The following PHC2 variants were observed in gnomAD, a reference collection of about 807,000 sequenced individuals.
PHC2 encodes the protein polyhomeotic-like protein 2.
A neutral mutation model predicts 87.4 loss-of-function variants in PHC2; 29 were observed. The observed-to-expected ratio is 0.33, with a 90% CI of 0.25 to 0.45. The LOEUF is 0.45. PHC2 is among the 20% of genes least tolerant of loss of function. The probability of loss-of-function intolerance (pLI) is 1.00; values close to 1 mark genes in which losing one functional copy is unlikely to be tolerated. For synonymous variants in PHC2, 438 were observed against 461.7 expected, an observed-to-expected ratio of 0.95 and a Z score of 0.66; for missense variants, 857 against 1,136.7, an observed-to-expected ratio of 0.75 and a Z score of 3.54.
chr1:33,421,251 C>T (rs1416918101), intron 1 of PHC2, among the ~76,000 whole-genome samples: 1 of 151,972 alleles, frequency 6.6e-6, no homozygotes, highest in Non-Finnish European at 1.5e-5. Context: ...TTCTGGTATG[C>T]ATATCCTTGG....
At chr1:33,395,232 T>C (rs1163782159) in intron 1 of PHC2, among the ~76,000 whole-genome samples, 1 of 152,124 alleles carries the variant, frequency 6.6e-6, no homozygotes, top group Admixed American at 6.6e-5. Context: ...TATATGGAGT[T>C]CTTAGAATAA....
intron 14 of PHC2, chr1:33,325,719 T>C: frequency 2.8e-6 from 1 of 357,862 alleles, no homozygotes; most frequent in South Asian, 2.0e-5. Flanking sequence ...AGATGACAAG[T>C]GATTGCTGCT....
chr1:33,354,539 T>C lies in PHC2; in HGVS notation c.1420A>G (p.Lys474Glu). 6.2e-7 allele frequency: 1 copy of C among 1,613,978 alleles called. No individual in the cohort carries two copies. The highest frequency in any genetic ancestry group is 2.2e-5 in the East Asian group (1 of 44,874). ...VPQQCVPDDW[K>E]EVAPGEKSVP... Reference sequence around the variant, plus strand: ...CTTTTCTCCCCTGGTGCCACTTCTTTCCAGTCATCAGGGACACACTGCTGG... The same window carrying C: ...CTTTTCTCCCCTGGTGCCACTTCTTCCCAGTCATCAGGGACACACTGCTGG... Residue 474 changes from lysine (K) to glutamate (E), a missense_variant, in exon 9 of 15, where the codon AAA becomes GAA. Lys to Glu is a moderately conservative substitution (Grantham distance 56). Coordinates refer to ENST00000683057, the MANE Select transcript of PHC2 (RefSeq NM_001385109.1).
chr1:33,356,259 ATATATATATATATATATG>A (rs1421029485), intron 7 of PHC2, among the ~76,000 whole-genome samples: 3 of 84,530 alleles, frequency 3.5e-5, no homozygotes, highest in Admixed American at 1.0e-4. Flanking sequence ...TTATATATAT[ATATATATATATATATATG>A]TATATATATA....
At chr1:33,370,255 C>T (rs1202754319) in intron 5 of PHC2, among the ~76,000 whole-genome samples, 166 bp downstream of exon 5, 1 of 152,088 alleles carries the variant, frequency 6.6e-6, no homozygotes, top group Non-Finnish European at 1.5e-5. Flanking sequence ...GAGGCTGTAC[C>T]AAAGCTCCCA....
intron 1 of PHC2, among the ~76,000 whole-genome samples, chr1:33,414,216 C>T (rs1557848128): frequency 6.6e-6 from 1 of 150,786 alleles, no homozygotes; most frequent in Non-Finnish European, 1.5e-5. Context: ...CACACACACA[C>T]ACAAGAAAGG....
At chr1:33,354,658 G>T in intron 8 of PHC2, 92 bp from the exon 9 acceptor site, 1 of 1,411,308 alleles carries the variant, frequency 7.1e-7, no homozygotes. Context: ...TTGGGAAGCA[G>T]GTAAGGACCT....
intron 1 of PHC2, among the ~76,000 whole-genome samples, chr1:33,377,176 A>G (rs1386136815): frequency 6.6e-6 from 1 of 152,160 alleles, no homozygotes; most frequent in Non-Finnish European, 1.5e-5. Context: ...CTGTTTCTTA[A>G]TCAATTAGAT....
chr1:33,371,984 G>A (rs1037921604), intron 3 of PHC2, among the ~76,000 whole-genome samples: 1 of 152,240 alleles, frequency 6.6e-6, no homozygotes, highest in African/African-American at 2.4e-5. Flanking sequence ...CTTCGTTCAC[G>A]AACGCTTCCC....
rs575120344 is a variant in PHC2, at chr1:33,334,613, C to T, written c.1559-321G>A. On this transcript the variant is annotated intron_variant, in intron 9 of 14. Transcript: ENST00000683057. The surrounding 1 kb of genome is among the most constrained non-coding windows in gnomAD (Gnocchi z 5.5). Reference sequence around the variant, plus strand: ...AATTCTATCTTTGAGGAGTTAAGACCTTGGTCGATACTGATTTGAACAAAT... The same window carrying T: ...AATTCTATCTTTGAGGAGTTAAGACTTTGGTCGATACTGATTTGAACAAAT... Among the ~76,000 whole-genome samples, 11 of 152,298 alleles carry T rather than the reference C, an allele frequency of 7.2e-5. No homozygotes were observed. The highest frequency in any genetic ancestry group is 8.8e-5 in the Non-Finnish European group (6 of 68,034).
At chr1:33,352,268 G>T (rs1646988205) in intron 9 of PHC2, among the ~76,000 whole-genome samples, 1 of 152,152 alleles carries the variant, frequency 6.6e-6, no homozygotes, top group African/African-American at 2.4e-5. Flanking sequence ...TAGCAAATTG[G>T]TAAAAGGCAA....
chr1:33,420,409 G>C (rs1650388384), intron 1 of PHC2, among the ~76,000 whole-genome samples: 1 of 152,072 alleles, frequency 6.6e-6, no homozygotes, highest in African/African-American at 2.4e-5. Flanking sequence ...AGAAGATAAA[G>C]AGAAACTAGA....
chr1:33,368,122 C>T lies in PHC2; in HGVS notation c.663+414G>A, dbSNP rs992186655. ...TAGTATCTGTGCGCTCCTAGCAGAGCAGGACACGTCTCTGCTCCCTCTTAC... is the reference window on the plus strand; with the variant it reads ...TAGTATCTGTGCGCTCCTAGCAGAGTAGGACACGTCTCTGCTCCCTCTTAC... On this transcript the variant is annotated intron_variant, in intron 6 of 14. Coordinates refer to ENST00000683057, the MANE Select transcript of PHC2 (RefSeq NM_001385109.1). This position sits in a 1 kb window ranked among gnomAD's most constrained non-coding sequence, Gnocchi z 6.6. Among the ~76,000 whole-genome samples, 1 of 152,216 alleles carries T rather than the reference C, an allele frequency of 6.6e-6. No individual in the cohort carries two copies. Among genetic ancestry groups the T allele is most frequent in the Non-Finnish European group, 1.5e-5 (1 of 68,030 alleles).
intron 1 of PHC2, among the ~76,000 whole-genome samples, chr1:33,388,427 G>A (rs908044470): frequency 2.0e-5 from 3 of 150,464 alleles, no homozygotes; most frequent in Non-Finnish European, 4.4e-5. Flanking sequence ...AGGTTCAAGC[G>A]ATTCTCCTGC....
intron 7 of PHC2, among the ~76,000 whole-genome samples, chr1:33,356,275 A>ATATATATATATATATATATACG (rs1222633753): frequency 6.8e-5 from 7 of 102,794 alleles, no homozygotes; most frequent in Non-Finnish European, 1.2e-4. Flanking sequence ...ATATATATAT[A>ATATATATATATATATATATACG]TGTATATATA....
chr1:33,399,174 C>A (rs1214720127), intron 1 of PHC2, among the ~76,000 whole-genome samples: 4 of 152,094 alleles, frequency 2.6e-5, no homozygotes, highest in African/African-American at 9.7e-5. Flanking sequence ...AGGTGCTATG[C>A]TACACTGAGT....
chr1:33,393,083 C>T (rs1649139773), intron 1 of PHC2, among the ~76,000 whole-genome samples: 2 of 152,162 alleles, frequency 1.3e-5, no homozygotes, highest in African/African-American at 4.8e-5. Context: ...CATGAGAGTT[C>T]CACAGACAGA....
intron 1 of PHC2, among the ~76,000 whole-genome samples, chr1:33,423,420 G>A (rs573450900): frequency 1.3e-5 from 2 of 152,232 alleles, no homozygotes; most frequent in Non-Finnish European, 2.9e-5. Flanking sequence ...GCTAAAATAA[G>A]AAGGATCTCA....
rs1033545153 is a variant in PHC2, at chr1:33,330,316, A to C, written c.2007-104T>G. ...TGTCTGACAAATTTTGAGTCCATCT[A>C]TTGGTTCAGATCCTAACTCCATCAC... On this transcript the variant is annotated intron_variant, in intron 12 of 14. Coordinates refer to ENST00000683057, the MANE Select transcript of PHC2 (RefSeq NM_001385109.1). 4.9e-6 allele frequency: 6 copies of C among 1,217,984 alleles called. No homozygotes were observed. In the East Asian group the frequency reaches 1.4e-4, roughly 29 times the overall value. 75.4% of individuals were successfully genotyped at this position (1,217,984 alleles called of 1,614,324 possible). A position where few individuals can be genotyped will look rare whatever the true frequency, so the allele number is the denominator to read the frequency against.
Sources: gnomAD v4.1 joint callset for allele counts (sites outside exome capture counted in the v4.1 genomes callset) on GRCh38, gnomAD v4.1.1 for gene constraint, Gnocchi (gnomAD v3.1) non-coding constraint, MANE v1.5 for transcripts, NCBI Gene and HGNC (gene_info 2026-07-23, HGNC 2026-07-21) for gene names.